The following FNTB variants were observed in gnomAD, a reference collection of about 807,000 sequenced individuals.
FNTB encodes the protein protein farnesyltransferase subunit beta.
FNTB carries 27 observed loss-of-function variants against 59.4 expected under a neutral mutation model. The ratio of observed to expected loss-of-function variants is 0.45; its 90% CI spans 0.34 to 0.63. FNTB has a LOEUF of 0.63. FNTB is among the 20% of genes least tolerant of loss of function. The pLI is 0.02. For synonymous variants in FNTB, 230 were observed against 220.7 expected, an observed-to-expected ratio of 1.04 and a Z score of -0.37; for missense variants, 449 against 559.6, an observed-to-expected ratio of 0.80 and a Z score of 1.99.
chr14:65,045,781 G>A (rs2062463953), intron 9 of FNTB, among the ~76,000 whole-genome samples: 1 of 152,130 alleles, frequency 6.6e-6, no homozygotes, highest in Non-Finnish European at 1.5e-5. Flanking sequence ...TTCTGACACT[G>A]AATTAAAGTA....
intron 9 of FNTB, among the ~76,000 whole-genome samples, chr14:65,051,973 T>C (rs993717336): frequency 1.3e-5 from 2 of 152,004 alleles, no homozygotes; most frequent in Non-Finnish European, 2.9e-5. Context: ...TTTTTTGTAT[T>C]TTTAGTAGAG....
rs141709938 is a variant in FNTB, at chr14:65,028,908, CTAAGAT to C, written c.605+1130_605+1135del. Among the ~76,000 whole-genome samples the C allele has an allele frequency of 6.6e-3, 1,002 of 152,330 alleles. 10 individuals are homozygous for C. Among genetic ancestry groups the C allele is most frequent in the African/African-American group, 0.022 (923 of 41,564 alleles). On this transcript the variant is annotated intron_variant, in intron 6 of 11. Transcript: ENST00000246166. This position sits in a 1 kb window ranked among gnomAD's most constrained non-coding sequence, Gnocchi z 4.4. ...TTGAAACGCAGCTTTTAAAAACCTA[CTAAGAT>C]TATTAGGCAAAAGCAAACAAATCAT...
intron 1 of FNTB, among the ~76,000 whole-genome samples, chr14:64,996,927 A>G (rs181131708): frequency 2.1e-4 from 32 of 152,058 alleles, no homozygotes; most frequent in Middle Eastern, 3.4e-3. Flanking sequence ...CTTCCACTTC[A>G]CTTTTAATCC....
rs1256066957 is a variant in FNTB at position 65,037,402 on chromosome 14, CCTTTTTTTTTTTTTTTTT to C, written c.693-3387_693-3370del. The stretch of plus-strand genomic sequence containing the variant: ...ATAGGCGTGAGCCACCACGCCGGGC[CCTTTTTTTTTTTTTTTTT>C]TTTTTTTTTTTTTTTTTTTTTTTTT... On this transcript the variant is annotated intron_variant, in intron 7 of 11. Transcript: ENST00000246166. Among the ~76,000 whole-genome samples, 53 of 14,534 alleles carry C rather than the reference CCTTTTTTTTTTTTTTTTT, an allele frequency of 3.6e-3. 8 individuals carry two copies. Among genetic ancestry groups the C allele is most frequent in the South Asian group, 0.034 (11 of 328 alleles). The allele number at this position is 14,534 out of a possible 152,430, so 9.5% of individuals were successfully genotyped here.
intron 2 of FNTB, among the ~76,000 whole-genome samples, chr14:65,010,505 G>T (rs1477850374): frequency 2.0e-5 from 3 of 152,164 alleles, no homozygotes; most frequent in Non-Finnish European, 4.4e-5. Flanking sequence ...ACTAGTTCGG[G>T]CCCTAAGTAG....
At chr14:65,046,241 G>C (rs918879816) in intron 9 of FNTB, among the ~76,000 whole-genome samples, 2 of 152,196 alleles carry the variant, frequency 1.3e-5, no homozygotes, top group African/African-American at 2.4e-5. Flanking sequence ...CTCCCAAAGT[G>C]CTGGGATTAC....
intron 1 of FNTB, among the ~76,000 whole-genome samples, chr14:65,000,307 A>G (rs944115510): frequency 1.1e-4 from 17 of 152,190 alleles, no homozygotes; most frequent in African/African-American, 3.9e-4. Flanking sequence ...CCACAGATCA[A>G]AAATATTTGG....
At position 65,044,238 on chromosome 14, in the gene FNTB, T is replaced by C; in HGVS notation, c.823-73T>C. On this transcript the variant is annotated intron_variant, in intron 8 of 11. Coordinates refer to ENST00000246166, the MANE Select transcript of FNTB (RefSeq NM_002028.4). This position sits in a 1 kb window ranked among gnomAD's most constrained non-coding sequence, Gnocchi z 5.5. ...GAAACCCTCCATCCCACAGATTGACTCCTGGAGATTCTGTCGGGCTGGATT... is the reference window on the plus strand; with the variant it reads ...GAAACCCTCCATCCCACAGATTGACCCCTGGAGATTCTGTCGGGCTGGATT... The C allele has an allele frequency of 1.9e-6, 3 of 1,606,878 alleles. No individual in the cohort carries two copies. The East Asian group carries it at 6.7e-5, about 36-fold the overall frequency.
intron 2 of FNTB, chr14:65,006,053 C>A (rs1430997709): frequency 2.9e-6 from 4 of 1,359,088 alleles, no homozygotes; most frequent in Non-Finnish European, 4.0e-6. Context: ...CTCTTGACTT[C>A]TTGAGATCTT....
At position 65,030,889 on chromosome 14, in the gene FNTB, CCT is replaced by C. The variant is rs2062067763; in HGVS notation, c.606-1718_606-1717del. On this transcript the variant is annotated intron_variant, in intron 6 of 11. Transcript: ENST00000246166. The surrounding 1 kb of genome is among the most constrained non-coding windows in gnomAD (Gnocchi z 4.5). ...GTGGTGGGATCTTGGCTCACTGCAA[CCT>C]CTGTCTCTGGGGTTCAAACGATTCT... is the stretch of plus-strand genomic sequence containing the variant. 6.6e-6 allele frequency among the ~76,000 whole-genome samples: 1 copy of C among 152,168 alleles called. No homozygotes were observed. The highest frequency in any genetic ancestry group is 6.5e-5 in the Admixed American group (1 of 15,274).
Position 65,012,301 on chromosome 14 carries a change from C to A in FNTB, c.210-16C>A. Reference sequence around the variant, plus strand: ...TAAGCTATTAGAATGGGCTTATAAACTGTTTGTCTTTCCAGGCTTGTTTTG... The same window carrying A: ...TAAGCTATTAGAATGGGCTTATAAAATGTTTGTCTTTCCAGGCTTGTTTTG... On this transcript the variant is annotated splice_polypyrimidine_tract_variant and intron_variant, in intron 2 of 11. Transcript: ENST00000246166. This position sits in a 1 kb window ranked among gnomAD's most constrained non-coding sequence, Gnocchi z 5.0. 6.2e-7 allele frequency: 1 copy of A among 1,614,038 alleles called. No homozygotes were observed. Among genetic ancestry groups the A allele is most frequent in the Non-Finnish European group, 8.5e-7 (1 of 1,179,906 alleles).
At chr14:65,058,268 TC>T (rs2062786321) in intron 11 of FNTB, among the ~76,000 whole-genome samples, 1 of 151,292 alleles carries the variant, frequency 6.6e-6, no homozygotes, top group Non-Finnish European at 1.5e-5. Context: ...TTTTTTTTTT[TC>T]GGTTAGAGTT....
At chr14:65,005,515 C>CTTTCTT (rs1566865123) in intron 2 of FNTB, among the ~76,000 whole-genome samples, 7 of 92,704 alleles carry the variant, frequency 7.6e-5, no homozygotes, top group South Asian at 3.7e-4. Flanking sequence ...CTTTCTTTCT[C>CTTTCTT]TCTCTCTTTC....
Position 65,040,801 on chromosome 14 carries a change from G to A in FNTB, c.704G>A (p.Trp235Ter). Residue 235 changes from tryptophan (W) to a stop codon, truncating the protein, a stop_gained, in exon 8 of 12, where the codon TGG becomes TAG. Coordinates refer to ENST00000246166, the MANE Select transcript of FNTB (RefSeq NM_002028.4). LOFTEE classifies it high-confidence loss of function. ...TAEWIARCQN[W>*]EGGIGGVPGM... The stretch of plus-strand genomic sequence containing the variant: ...CAATCTCTTCTTAGGTGTCAGAACT[G>A]GGAAGGTGGCATTGGCGGGGTACCA... 1.9e-6 allele frequency: 3 copies of A among 1,613,140 alleles called. No homozygotes were observed. The highest frequency in any genetic ancestry group is 2.5e-6 in the Non-Finnish European group (3 of 1,179,900).
Position 65,053,361 on chromosome 14 carries a change from C to A in FNTB, c.1067+12C>A. 2 of 1,410,562 alleles carry A rather than the reference C, an allele frequency of 1.4e-6. No individual in the cohort carries two copies. Among genetic ancestry groups the A allele is most frequent in the South Asian group, 1.7e-5 (1 of 58,062 alleles). 87.4% of individuals were successfully genotyped at this position (1,410,562 alleles called of 1,614,324 possible). ...GATAAACCTGGCAAGTGAGTGTTTT[C>A]TCTCTGGGGAGGGAAGGGAGAGGGG... On this transcript the variant is annotated intron_variant, in intron 10 of 11. Coordinates refer to ENST00000246166, the MANE Select transcript of FNTB (RefSeq NM_002028.4).
rs34459085 is a variant in FNTB, at chr14:65,059,837, C to CTTT, written c.1183-1330_1183-1328dup. Among the ~76,000 whole-genome samples, 579 of 134,212 alleles carry CTTT rather than the reference C, an allele frequency of 4.3e-3. 10 individuals carry two copies. Among genetic ancestry groups the CTTT allele is most frequent in the Middle Eastern group, 0.019 (5 of 262 alleles). The allele number at this position is 134,212 out of a possible 152,430, so 88.0% of individuals were successfully genotyped here. ...CATATTAGGGTTGTGGTCCTTTTTTCTTTTTTTTTTTTTTTTGAGACAGAG... is the reference window on the plus strand; with the variant it reads ...CATATTAGGGTTGTGGTCCTTTTTTCTTTTTTTTTTTTTTTTTTTGAGACAGAG... On this transcript the variant is annotated intron_variant, in intron 11 of 11. Coordinates refer to ENST00000246166, the MANE Select transcript of FNTB (RefSeq NM_002028.4).
rs1008849391 is a variant in FNTB, at chr14:65,023,839, G to A, written c.375-3614G>A. On this transcript the variant is annotated intron_variant, in intron 4 of 11. Coordinates refer to ENST00000246166, the MANE Select transcript of FNTB (RefSeq NM_002028.4). The surrounding 1 kb of genome is among the most constrained non-coding windows in gnomAD (Gnocchi z 4.1). ...CTCTCAGCCGGGCATGGTGGCTCAC[G>A]CCTGTAATCCTAGCACTTTGGGAGG... Among the ~76,000 whole-genome samples the A allele has an allele frequency of 5.9e-5, 9 of 152,092 alleles. No individual in the cohort carries two copies. The highest frequency in any genetic ancestry group is 1.3e-4 in the Non-Finnish European group (9 of 68,020).
At chr14:65,013,971 G>T (rs2061727465) in intron 3 of FNTB, among the ~76,000 whole-genome samples, 1 of 152,178 alleles carries the variant, frequency 6.6e-6, no homozygotes, top group Non-Finnish European at 1.5e-5. Context: ...GTAAGATGAG[G>T]AGCTGGGATT....
In FNTB at chr14:65,001,074, G is replaced by A. The variant is rs1412438957; in HGVS notation, c.145-3175G>A. On this transcript the variant is annotated intron_variant, in intron 1 of 11. Coordinates refer to ENST00000246166, the MANE Select transcript of FNTB (RefSeq NM_002028.4). This position sits in a 1 kb window ranked among gnomAD's most constrained non-coding sequence, Gnocchi z 5.5. ...GAGCATAAATGAAGTCCTATACTTG[G>A]TCTCTCTGGGCCTGATAAATTTTGC... Among the ~76,000 whole-genome samples the A allele has an allele frequency of 6.6e-6, 1 of 152,030 alleles. No individual in the cohort carries two copies. The highest frequency in any genetic ancestry group is 1.5e-5 in the Non-Finnish European group (1 of 68,002).
Sources: gnomAD v4.1 joint callset for allele counts (sites outside exome capture counted in the v4.1 genomes callset) on GRCh38, gnomAD v4.1.1 for gene constraint, Gnocchi (gnomAD v3.1) non-coding constraint, MANE v1.5 for transcripts, NCBI Gene and HGNC (gene_info 2026-07-23, HGNC 2026-07-21) for gene names.